Variants in LRFN2 observed in about 807,000 individuals in gnomAD.
The protein encoded by LRFN2 is leucine-rich repeat and fibronectin type-III domain-containing protein 2.
Under a neutral mutation model 37.3 loss-of-function variants are expected in LRFN2, and 18 were observed. That is an observed-to-expected ratio of 0.48 (90% CI 0.33 to 0.72). LRFN2 has a LOEUF of 0.72. Ranked by LOEUF, LRFN2 falls within the 30% of genes least tolerant of loss-of-function variation. The probability of loss-of-function intolerance (pLI) is 0.02; values close to 1 mark genes in which losing one functional copy is unlikely to be tolerated. For synonymous variants in LRFN2, 556 were observed against 466.6 expected (o/e 1.19, Z -2.47); for missense variants, 1,006 against 1,060.7 (o/e 0.95, Z 0.72).
intron 1 of LRFN2, among the ~76,000 whole-genome samples, chr6:40,471,805 T>C (rs868674137): frequency 9.4e-4 from 143 of 152,130 alleles, no homozygotes; most frequent in African/African-American, 3.4e-3. Flanking sequence ...TGGGATGACT[T>C]GCCACATACC....
At chr6:40,519,899 A>T (rs560051461) in intron 1 of LRFN2, among the ~76,000 whole-genome samples, 86 of 152,332 alleles carry the variant, frequency 5.6e-4, no homozygotes, top group Non-Finnish European at 9.0e-4. Context: ...TGCACATGCC[A>T]TGTGCCAAGC....
intron 2 of LRFN2, among the ~76,000 whole-genome samples, chr6:40,414,638 A>G (rs533984187): frequency 2.6e-5 from 4 of 152,342 alleles, no homozygotes; most frequent in African/African-American, 9.6e-5. Flanking sequence ...AAGAAATGCA[A>G]TGACTTGAAA....
At chr6:40,433,877 T>TAC (rs1763577172) in intron 1 of LRFN2, among the ~76,000 whole-genome samples, 1 of 152,140 alleles carries the variant, frequency 6.6e-6, no homozygotes, top group South Asian at 2.1e-4. Flanking sequence ...GACCCTCACA[T>TAC]ACATCAGCTC....
chr6:40,464,712 C>A (rs1764420548), intron 1 of LRFN2, among the ~76,000 whole-genome samples: 2 of 152,198 alleles, frequency 1.3e-5, no homozygotes, highest in South Asian at 4.1e-4. Context: ...GTGACTCTGC[C>A]TTCCGTGGCC....
At chr6:40,477,755 T>C (rs989007838) in intron 1 of LRFN2, among the ~76,000 whole-genome samples, 3 of 152,100 alleles carry the variant, frequency 2.0e-5, no homozygotes, top group Non-Finnish European at 4.4e-5. Flanking sequence ...GGAAGCGCGT[T>C]CTCCCCTCCC....
intron 2 of LRFN2, among the ~76,000 whole-genome samples, chr6:40,411,628 C>T (rs1762969903): frequency 6.6e-6 from 1 of 152,142 alleles, no homozygotes; most frequent in Non-Finnish European, 1.5e-5. Flanking sequence ...CTCAGAAACA[C>T]TCCAGCCATG....
At chr6:40,470,330 G>A (rs1364772013) in intron 1 of LRFN2, among the ~76,000 whole-genome samples, 1 of 152,238 alleles carries the variant, frequency 6.6e-6, no homozygotes, top group East Asian at 1.9e-4. Context: ...GACGCTGTGT[G>A]GCTGGGCGCA....
intron 1 of LRFN2, among the ~76,000 whole-genome samples, chr6:40,487,400 G>C (rs1353229298): frequency 6.6e-6 from 1 of 152,146 alleles, no homozygotes; most frequent in African/African-American, 2.4e-5. Context: ...TGCCTCACAG[G>C]TGCTCCAGAT....
At chr6:40,484,538 C>A (rs1764908573) in intron 1 of LRFN2, among the ~76,000 whole-genome samples, 1 of 152,222 alleles carries the variant, frequency 6.6e-6, no homozygotes, top group Admixed American at 6.5e-5. Flanking sequence ...GCCCTAGATA[C>A]TGCACTTCTG....
At position 40,411,612 on chromosome 6, in the gene LRFN2, T is replaced by C. The variant is rs141683130; in HGVS notation, c.1401-18700A>G. On this transcript the variant is annotated intron_variant, in intron 2 of 2. Coordinates refer to ENST00000338305, the MANE Select transcript of LRFN2 (RefSeq NM_020737.3). Reference sequence around the variant, plus strand: ...TGCTTCAGCCACCCTGGCCTCTTCGTTGCTCCTCAGAAACACTCCAGCCAT... The same window carrying C: ...TGCTTCAGCCACCCTGGCCTCTTCGCTGCTCCTCAGAAACACTCCAGCCAT... Among the ~76,000 whole-genome samples the C allele has an allele frequency of 1.9e-3, 284 of 152,244 alleles. 9 individuals carry two copies. In the East Asian group the frequency reaches 0.046, roughly 24 times the overall value.
intron 1 of LRFN2, among the ~76,000 whole-genome samples, chr6:40,441,790 A>G (rs1017386860): frequency 3.3e-5 from 5 of 152,134 alleles, no homozygotes; most frequent in African/African-American, 1.2e-4. Flanking sequence ...TGAATCAGTC[A>G]TGACTTTGAA....
At chr6:40,568,916 A>G (rs1767138394) in intron 1 of LRFN2, among the ~76,000 whole-genome samples, 1 of 152,182 alleles carries the variant, frequency 6.6e-6, no homozygotes, top group South Asian at 2.1e-4. Flanking sequence ...TTTCACCTCT[A>G]TTCTAACGGA....
At chr6:40,468,761 T>C (rs9471350) in intron 1 of LRFN2, among the ~76,000 whole-genome samples, 15,101 of 152,180 alleles carry the variant, frequency 0.099, 1,273 homozygotes, top group African/African-American at 0.22. Context: ...GCTGAGCTCC[T>C]GTTCCACCTC....
At chr6:40,577,164 T>G (rs1290778168) in intron 1 of LRFN2, among the ~76,000 whole-genome samples, 1 of 144,760 alleles carries the variant, frequency 6.9e-6, no homozygotes, top group African/African-American at 2.6e-5. Context: ...TGCAGTGGCA[T>G]GATCTCAGCT....
rs201182634 is a variant in LRFN2 at position 40,432,138 on chromosome 6, C to T, written c.976G>A (p.Asp326Asn). Residue 326 changes from aspartate (D) to asparagine (N), a missense_variant, in exon 2 of 3, where the codon GAT becomes AAT. Asp to Asn is a conservative substitution (Grantham distance 23, BLOSUM62 1). Coordinates refer to ENST00000338305, the MANE Select transcript of LRFN2 (RefSeq NM_020737.3). ...GAGGAGTTCCCTACCAGGCGGTCATCGGGGGCTACCCAGTGGATAAGGGGG... is the reference window on the plus strand; with the variant it reads ...GAGGAGTTCCCTACCAGGCGGTCATTGGGGGCTACCCAGTGGATAAGGGGG... ...PSPLIHWVAP[D>N]DRLVGNSSRT... 1.1e-4 allele frequency: 176 copies of T among 1,613,778 alleles called. No homozygotes were observed. Among genetic ancestry groups the T allele is most frequent in the Admixed American group, 6.2e-4 (37 of 60,022 alleles).
At chr6:40,410,259 C>T (rs890441885) in intron 2 of LRFN2, among the ~76,000 whole-genome samples, 1 of 152,132 alleles carries the variant, frequency 6.6e-6, no homozygotes, top group Non-Finnish European at 1.5e-5. Flanking sequence ...CAGCCTTGAG[C>T]AATTCACTTT....
chr6:40,445,398 C>T (rs566915822), intron 1 of LRFN2, among the ~76,000 whole-genome samples: 29 of 152,184 alleles, frequency 1.9e-4, no homozygotes, highest in East Asian at 3.9e-4. Context: ...ATTCTCAAGG[C>T]GGAGAGAAAA....
intron 1 of LRFN2, among the ~76,000 whole-genome samples, chr6:40,459,560 C>T (rs966216898): frequency 1.3e-5 from 2 of 152,204 alleles, no homozygotes; most frequent in African/African-American, 4.8e-5. Flanking sequence ...ACTGTCCTCC[C>T]CTCTCATCTC....
intron 1 of LRFN2, among the ~76,000 whole-genome samples, chr6:40,465,992 C>T (rs760465950): frequency 2.6e-5 from 4 of 152,112 alleles, no homozygotes; most frequent in East Asian, 1.9e-4. Flanking sequence ...TCTTAAGGCC[C>T]TACAGTCTAC....
Sources: gnomAD v4.1 joint callset for allele counts (sites outside exome capture counted in the v4.1 genomes callset) on GRCh38, gnomAD v4.1.1 for gene constraint, MANE v1.5 for transcripts, NCBI Gene and HGNC (gene_info 2026-07-23, HGNC 2026-07-21) for gene names.